PRR16: variants seen among roughly 807,000 people sequenced by gnomAD.
The protein encoded by PRR16 is proline rich 16, also known as protein Largen.
A neutral mutation model predicts 18.2 loss-of-function variants in PRR16; 6 were observed. That is an observed-to-expected ratio of 0.33 (90% CI 0.18 to 0.65). The LOEUF (loss-of-function observed/expected upper bound fraction) is 0.65. Ranked by LOEUF, PRR16 falls within the 30% of genes least tolerant of loss-of-function variation. The pLI is 0.74. For missense variants in PRR16, 412 were observed against 376.6 expected, an observed-to-expected ratio of 1.09 and a Z score of -0.78; for synonymous variants, 151 against 147.8, an observed-to-expected ratio of 1.02 and a Z score of -0.16.
At chr5:120,582,913 A>G (rs192976759) in intron 1 of PRR16, among the ~76,000 whole-genome samples, 4 of 152,368 alleles carry the variant, frequency 2.6e-5, no homozygotes, top group African/African-American at 7.2e-5. Flanking sequence ...AAACAGCAAT[A>G]ATCACCTATA....
At chr5:120,777,276 C>T in the PRR16 span, among the ~76,000 whole-genome samples, 390 of 152,116 alleles carry the variant, frequency 2.6e-3, 3 homozygotes, top group African/African-American at 9.2e-3. Context: ...AGCCATATGT[C>T]GGACACTGTG....
At chr5:120,620,801 G>C (rs764015199) in intron 1 of PRR16, among the ~76,000 whole-genome samples, 2 of 151,880 alleles carry the variant, frequency 1.3e-5, no homozygotes, top group Non-Finnish European at 2.9e-5. Context: ...AGCTCTTTTT[G>C]CTGATCTCAT....
intron 1 of PRR16, among the ~76,000 whole-genome samples, chr5:120,681,846 T>A (rs995383901): frequency 6.6e-6 from 1 of 152,212 alleles, no homozygotes; most frequent in Non-Finnish European, 1.5e-5. Flanking sequence ...ATACTTGGTG[T>A]TCCCTTTTTT....
At chr5:120,790,256 C>G in the PRR16 span, 3 of 152,178 alleles carry the variant, frequency 2.0e-5, no homozygotes, top group Admixed American at 6.5e-5. Flanking sequence ...AAAGGACTAT[C>G]AAGAAGCCAA....
At chr5:120,530,407 C>T (rs1265793732) in intron 1 of PRR16, among the ~76,000 whole-genome samples, 1 of 150,552 alleles carries the variant, frequency 6.6e-6, no homozygotes, top group Admixed American at 6.6e-5. Context: ...CTCTACTTGC[C>T]CGATCTCCTT....
Position 120,496,631 on chromosome 5 carries a change from T to C in PRR16, c.159+31986T>C, listed in dbSNP as rs147835570. On this transcript the variant is annotated intron_variant, in intron 1 of 1. Coordinates refer to ENST00000407149, the MANE Select transcript of PRR16 (RefSeq NM_001300783.2). ...GTCGATCTTTTTCGAGATTTGTAAA[T>C]TTATTTTTTTTTGAAGAAAAAGGGC... 4.4e-3 allele frequency among the ~76,000 whole-genome samples: 664 copies of C among 151,710 alleles called. 8 individuals carry two copies. Among genetic ancestry groups the C allele is most frequent in the African/African-American group, 0.016 (645 of 41,494 alleles).
chr5:120,765,532 G>A, the PRR16 span, among the ~76,000 whole-genome samples: 5 of 152,026 alleles, frequency 3.3e-5, no homozygotes, highest in East Asian at 5.8e-4. Flanking sequence ...GAAAATATTT[G>A]GCTGTAAAAA....
At chr5:120,490,406 C>T (rs1360501771) in intron 1 of PRR16, among the ~76,000 whole-genome samples, 2 of 152,170 alleles carry the variant, frequency 1.3e-5, no homozygotes, top group African/African-American at 4.8e-5. Context: ...TTCTTTTCGT[C>T]TTCCATCGCT....
the PRR16 span, among the ~76,000 whole-genome samples, chr5:120,752,256 C>A: frequency 6.6e-6 from 1 of 151,846 alleles, no homozygotes; most frequent in Non-Finnish European, 1.5e-5. Flanking sequence ...AAGAGAAGAC[C>A]CATGTGAAAT....
At chr5:120,640,276 C>T (rs959873099) in intron 1 of PRR16, among the ~76,000 whole-genome samples, 8 of 144,222 alleles carry the variant, frequency 5.5e-5, no homozygotes, top group African/African-American at 1.3e-4. Context: ...CAAACCTGCA[C>T]GTGTACCCCT....
intron 1 of PRR16, among the ~76,000 whole-genome samples, chr5:120,666,581 T>C (rs1394461803): frequency 2.0e-5 from 3 of 152,148 alleles, no homozygotes; most frequent in Non-Finnish European, 2.9e-5. Flanking sequence ...TTCAGTATGA[T>C]ATTGGCTGTG....
chr5:120,740,526 C>A, the PRR16 span, among the ~76,000 whole-genome samples: 2 of 152,132 alleles, frequency 1.3e-5, no homozygotes, highest in Admixed American at 1.3e-4. Context: ...CATAAATCAA[C>A]TGACTATACA....
intron 1 of PRR16, among the ~76,000 whole-genome samples, chr5:120,473,828 CT>C (rs1749350255): frequency 6.6e-6 from 1 of 152,062 alleles, no homozygotes; most frequent in South Asian, 2.1e-4. Context: ...GGTGATTTAT[CT>C]TATGAAGTAA....
In PRR16 at chr5:120,562,981, C is replaced by A. The variant is rs570738826; in HGVS notation, c.159+98336C>A. ...TTACTATTACCAATGAGTTTTGTAA[C>A]TTCAAATGATTTTCTATTGCTATTA... On this transcript the variant is annotated intron_variant, in intron 1 of 1. Coordinates refer to ENST00000407149, the MANE Select transcript of PRR16 (RefSeq NM_001300783.2). 4.6e-5 allele frequency among the ~76,000 whole-genome samples: 7 copies of A among 152,166 alleles called. No individual in the cohort carries two copies. The East Asian group carries it at 1.4e-3, about 29-fold the overall frequency.
Position 120,650,777 on chromosome 5 carries a change from A to G in PRR16, c.160-35177A>G, listed in dbSNP as rs955605133. ...AGTCTTTGCTGTTGTGAATAGTGCC[A>G]CAATAAACATACGTGTGCATGTGTC... On this transcript the variant is annotated intron_variant, in intron 1 of 1. Coordinates refer to ENST00000407149, the MANE Select transcript of PRR16 (RefSeq NM_001300783.2). Among the ~76,000 whole-genome samples the G allele has an allele frequency of 5.5e-4, 83 of 152,004 alleles. 1 individual carries two copies. The highest frequency in any genetic ancestry group is 1.8e-4 in the Non-Finnish European group (12 of 68,008).
intron 1 of PRR16, among the ~76,000 whole-genome samples, chr5:120,621,987 G>T (rs1009510365): frequency 6.6e-6 from 1 of 152,130 alleles, no homozygotes; most frequent in Admixed American, 6.6e-5. Context: ...ACCTTTTTCA[G>T]AGGTGTCTTT....
chr5:120,747,204 T>G, the PRR16 span, among the ~76,000 whole-genome samples: 1 of 152,180 alleles, frequency 6.6e-6, no homozygotes, highest in African/African-American at 2.4e-5. Context: ...GATTTATGCT[T>G]AGAGACTGGC....
chr5:120,752,853 A>T, the PRR16 span, among the ~76,000 whole-genome samples: 1 of 151,808 alleles, frequency 6.6e-6, no homozygotes, highest in Non-Finnish European at 1.5e-5. Flanking sequence ...TTGAAGTTTC[A>T]ATAATGTATA....
At chr5:120,576,041 G>A (rs958419480) in intron 1 of PRR16, among the ~76,000 whole-genome samples, 2 of 152,120 alleles carry the variant, frequency 1.3e-5, no homozygotes, top group African/African-American at 4.8e-5. Flanking sequence ...GTGGATTAAA[G>A]ACTTAAATGG....
Sources: allele counts gnomAD v4.1 joint callset (sites outside exome capture counted in the v4.1 genomes callset), GRCh38; gene constraint gnomAD v4.1.1; transcripts MANE v1.5; gene names NCBI Gene and HGNC (gene_info 2026-07-23, HGNC 2026-07-21).